Variants in PCDH11X observed in about 807,000 individuals in gnomAD.
PCDH11X encodes the protein protocadherin-11 X-linked.
PCDH11X carries 18 observed loss-of-function variants against 53.3 expected under a neutral mutation model. That is an observed-to-expected ratio of 0.34 (90% CI 0.23 to 0.50). PCDH11X has a LOEUF of 0.50. PCDH11X is among the 20% of genes least tolerant of loss of function. The pLI is 0.98. For missense variants in PCDH11X, 570 were observed against 1,032.4 expected, an observed-to-expected ratio of 0.55 and a Z score of 6.14; for synonymous variants, 279 against 393.3, an observed-to-expected ratio of 0.71 and a Z score of 3.44.
At chrX:92,516,546 A>C (rs2074272666) in intron 10 of PCDH11X, among the ~76,000 whole-genome samples, 1 of 112,355 alleles carries the variant, frequency 8.9e-6, no homozygotes, top group Non-Finnish European at 1.9e-5. Flanking sequence ...TACAACGCTG[A>C]GACTAGTAAA....
At chrX:92,501,743 G>T (rs758641472) in intron 10 of PCDH11X, among the ~76,000 whole-genome samples, 1 of 111,275 alleles carries the variant, frequency 9.0e-6, no homozygotes, top group South Asian at 3.8e-4. Context: ...AACCATATAT[G>T]ACAAACCCAC....
intron 8 of PCDH11X, among the ~76,000 whole-genome samples, chrX:92,287,529 ACAG>A (rs1011603016): frequency 9.0e-6 from 1 of 111,378 alleles, no homozygotes; most frequent in Non-Finnish European, 1.9e-5. Context: ...TCTTCCCACT[ACAG>A]CATTTAATGT....
chrX:91,973,887 T>G (rs1035529996), intron 6 of PCDH11X, among the ~76,000 whole-genome samples: 15 of 111,219 alleles, frequency 1.3e-4, no homozygotes, highest in Non-Finnish European at 2.5e-4. Context: ...AGTGCTGGGA[T>G]TACAGGTGTG....
At chrX:91,896,063 T>G (rs1217262758) in intron 6 of PCDH11X, among the ~76,000 whole-genome samples, 3 of 106,607 alleles carry the variant, frequency 2.8e-5, no homozygotes, top group Non-Finnish European at 1.9e-5. Context: ...GAAGAGTGTA[T>G]TCTTCTAATA....
At chrX:91,918,213 T>C (rs1941634801) in intron 6 of PCDH11X, among the ~76,000 whole-genome samples, 1 of 110,676 alleles carries the variant, frequency 9.0e-6, no homozygotes, top group African/African-American at 3.3e-5. Context: ...GCTGGGTTCA[T>C]TGCCTAGAGT....
At chrX:92,098,258 T>C (rs2064173943) in intron 6 of PCDH11X, among the ~76,000 whole-genome samples, 1 of 111,026 alleles carries the variant, frequency 9.0e-6, no homozygotes, top group Non-Finnish European at 1.9e-5. Context: ...GGTTGTGTGG[T>C]CAGAAATTGA....
intron 6 of PCDH11X, among the ~76,000 whole-genome samples, chrX:91,937,088 A>T (rs1018498279): frequency 9.1e-6 from 1 of 109,829 alleles, no homozygotes; most frequent in African/African-American, 3.3e-5. Flanking sequence ...AACTATATAC[A>T]GATTTTGTGA....
chrX:92,114,694 G>A (rs2064599754), intron 6 of PCDH11X, among the ~76,000 whole-genome samples: 1 of 111,242 alleles, frequency 9.0e-6, no homozygotes, highest in Non-Finnish European at 1.9e-5. Context: ...CTTATTTTCT[G>A]AACATTGTCT....
intron 9 of PCDH11X, among the ~76,000 whole-genome samples, chrX:92,416,300 G>A (rs779021361): frequency 2.7e-4 from 30 of 109,736 alleles, no homozygotes; most frequent in Middle Eastern, 4.9e-3. Context: ...TGTACATTTT[G>A]AAAAAAACTG....
intron 8 of PCDH11X, among the ~76,000 whole-genome samples, chrX:92,301,163 G>A (rs2068713570): frequency 5.4e-5 from 6 of 111,340 alleles, no homozygotes; most frequent in Admixed American, 4.8e-4. Context: ...GGAGCTCTCC[G>A]ACAGTCAGGT....
At chrX:91,955,222 T>C (rs2061693708) in intron 6 of PCDH11X, among the ~76,000 whole-genome samples, 1 of 110,548 alleles carries the variant, frequency 9.0e-6, no homozygotes, top group African/African-American at 3.3e-5. Flanking sequence ...TCTTTCACCA[T>C]TGCTGGCTTT....
At chrX:92,580,164 C>T (rs1218409963) in intron 10 of PCDH11X, among the ~76,000 whole-genome samples, 2 of 104,410 alleles carry the variant, frequency 1.9e-5, no homozygotes, top group East Asian at 2.9e-4. Flanking sequence ...AGCTAGAATG[C>T]TCCTATATAA....
intron 7 of PCDH11X, among the ~76,000 whole-genome samples, chrX:92,201,781 AT>A (rs1255544229): frequency 8.9e-6 from 1 of 112,211 alleles, no homozygotes; most frequent in Non-Finnish European, 1.9e-5. Context: ...GTTTTATAAT[AT>A]GACTTAAATT....
At chrX:92,606,810 A>G (rs1421399582) in intron 10 of PCDH11X, among the ~76,000 whole-genome samples, 1 of 111,956 alleles carries the variant, frequency 8.9e-6, no homozygotes, top group East Asian at 2.8e-4. Context: ...AAGAACTTGT[A>G]AAATCCAACA....
intron 6 of PCDH11X, among the ~76,000 whole-genome samples, chrX:92,195,830 T>C (rs1042300988): frequency 2.7e-5 from 3 of 112,000 alleles, no homozygotes; most frequent in African/African-American, 9.7e-5. Context: ...GAATTAATCA[T>C]AGGACGTAAA....
At chrX:92,511,706 C>T (rs1775873766) in intron 10 of PCDH11X, among the ~76,000 whole-genome samples, 1 of 111,421 alleles carries the variant, frequency 9.0e-6, no homozygotes, top group Non-Finnish European at 1.9e-5. Context: ...TGAGAGAGAT[C>T]AGTGGCAAGA....
intron 1 of PCDH11X, among the ~76,000 whole-genome samples, chrX:91,802,296 T>C (rs1935962384): frequency 1.8e-5 from 2 of 112,813 alleles, no homozygotes; most frequent in South Asian, 7.2e-4. Context: ...TACGGTTACC[T>C]ATGCTAGTAC....
intron 6 of PCDH11X, among the ~76,000 whole-genome samples, chrX:92,044,971 C>T (rs368119502): frequency 2.7e-4 from 22 of 81,644 alleles, no homozygotes; most frequent in Non-Finnish European, 4.1e-4. Flanking sequence ...ATTTCTTTCA[C>T]TGAATTACAG....
chrX:91,899,578 T>TTA (rs200007564), intron 6 of PCDH11X, among the ~76,000 whole-genome samples: 28,693 of 107,305 alleles, frequency 0.27, 3,126 homozygotes, highest in African/African-American at 0.32. Context: ...TCTCCTGAAA[T>TTA]TATATATATA....
Sources: gnomAD v4.1 joint callset for allele counts (sites outside exome capture counted in the v4.1 genomes callset) on GRCh38, gnomAD v4.1.1 for gene constraint, MANE v1.5 for transcripts, NCBI Gene and HGNC (gene_info 2026-07-23, HGNC 2026-07-21) for gene names.